Variants in EIF2AK4 observed in about 807,000 individuals in gnomAD.
EIF2AK4 encodes eukaryotic translation initiation factor 2 alpha kinase 4, also known as eIF-2-alpha kinase GCN2.
A neutral mutation model predicts 211.1 loss-of-function variants in EIF2AK4; 139 were observed. The ratio of observed to expected loss-of-function variants is 0.66; its 90% CI spans 0.57 to 0.76. The LOEUF is 0.76. EIF2AK4 is among the 30% of genes least tolerant of loss of function. The pLI is 0.00. For synonymous variants in EIF2AK4, 710 were observed against 751.3 expected (o/e 0.94, Z 0.90); for missense variants, 1,664 against 2,043.8 (o/e 0.81, Z 3.58).
chr15:40,019,306 A>G (rs138680634), intron 30 of EIF2AK4, 106 bp downstream of exon 30: 44 of 827,968 alleles, frequency 5.3e-5, no homozygotes, highest in Middle Eastern at 2.3e-4. Flanking sequence ...TGTGAAAGCT[A>G]TAGACGTAGG....
chr15:39,969,949 G>T (rs2034600979), intron 9 of EIF2AK4, among the ~76,000 whole-genome samples: 1 of 152,150 alleles, frequency 6.6e-6, no homozygotes, highest in African/African-American at 2.4e-5. Context: ...CTGGGTTCAG[G>T]TCTCACCTCT....
chr15:40,022,337 G>A, intron 31 of EIF2AK4, 182 bp from the exon 32 acceptor site: 1 of 554,154 alleles, frequency 1.8e-6, no homozygotes, highest in East Asian at 3.1e-5. Flanking sequence ...GGCAAGAGAG[G>A]CCTTGTTCCT....
At chr15:39,956,924 T>TA (rs1381684956) in intron 6 of EIF2AK4, among the ~76,000 whole-genome samples, 1 of 152,160 alleles carries the variant, frequency 6.6e-6, no homozygotes, top group African/African-American at 2.4e-5. Context: ...TATCTACTAC[T>TA]AAAAAAACAG....
chr15:40,022,214 GTATGT>G lies in EIF2AK4; in HGVS notation c.4303-303_4303-299del, dbSNP rs796324857. The G allele has an allele frequency of 3.6e-4, 84 of 232,650 alleles. 1 individual carries two copies. The highest frequency in any genetic ancestry group is 1.8e-3 in the African/African-American group (73 of 40,196). 14.4% of individuals were successfully genotyped at this position (232,650 alleles called of 1,614,324 possible). A position where few individuals can be genotyped will look rare whatever the true frequency, so the allele number is the denominator to read the frequency against. On this transcript the variant is annotated intron_variant, in intron 31 of 38. Coordinates refer to ENST00000263791, the MANE Select transcript of EIF2AK4 (RefSeq NM_001013703.4). ...TGTGTGTGTGTGTGTGTGTGTGTGTGTATGTTGTGTTGTATAATTTTGGGCATCTT... is the reference window on the plus strand; with the variant it reads ...TGTGTGTGTGTGTGTGTGTGTGTGTGTGTGTTGTATAATTTTGGGCATCTT...
intron 23 of EIF2AK4, among the ~76,000 whole-genome samples, chr15:40,005,085 A>G (rs2035142574): frequency 6.6e-6 from 1 of 152,232 alleles, no homozygotes; most frequent in African/African-American, 2.4e-5. Flanking sequence ...AGTAGTAGAT[A>G]TTATAAGTAA....
rs755836462 is a variant in EIF2AK4 at position 39,939,606 on chromosome 15, C to T, written c.246C>T (p.Thr82=). 3.1e-6 allele frequency: 5 copies of T among 1,609,742 alleles called. No homozygotes were observed. The highest frequency in any genetic ancestry group is 1.3e-5 in the African/African-American group (1 of 74,980). Residue 82 remains threonine (T), a synonymous_variant, in exon 2 of 39, where the codon ACC becomes ACT. Transcript: ENST00000263791. ...ATTTGAGGGTTAAATGCCCACCTAC[C>T]TATCCAGATGTGTGAGTACATTTAT... ...KVDLRVKCPP[T]YPDVVPEIEL...
chr15:39,998,597 T>G (rs2035053080), intron 19 of EIF2AK4, 134 bp from the exon 20 acceptor site: 1 of 644,170 alleles, frequency 1.6e-6, no homozygotes, highest in African/African-American at 1.9e-5. Context: ...AGCGTCAGGT[T>G]TCAAGAAGGT....
rs1041281613 is a variant in EIF2AK4, at chr15:39,962,970, A to G, written c.859+1071A>G. Among the ~76,000 whole-genome samples the G allele has an allele frequency of 2.1e-4, 32 of 152,218 alleles. 1 individual carries two copies. The highest frequency in any genetic ancestry group is 1.2e-4 in the Non-Finnish European group (8 of 68,036). On this transcript the variant is annotated intron_variant, in intron 7 of 38. Transcript: ENST00000263791. The stretch of plus-strand genomic sequence containing the variant: ...TTTTGCCAGAAGTAACAGGTAGCCA[A>G]ATTATGTGAAATGAGTTTGCTTTCT...
At chr15:39,961,718 A>G (rs964327789) in intron 6 of EIF2AK4, 66 bp from the exon 7 acceptor site, 48 of 1,268,070 alleles carry the variant, frequency 3.8e-5, no homozygotes, top group Admixed American at 1.3e-4. Context: ...TAACATTCCT[A>G]TGTTAATCTT....
In EIF2AK4 at chr15:40,026,067, G is replaced by A; in HGVS notation, c.4480G>A (p.Val1494Ile). Residue 1494 changes from valine (V) to isoleucine (I), a missense_variant, in exon 33 of 39, where the codon GTC (valine) becomes ATC (isoleucine). By Grantham distance (29) the Val-to-Ile change is conservative. Transcript: ENST00000263791. ...TGTACTGCAGAAACTGAGGACTAAA[G>A]TCACTGATGAAAGGAATGGCAGGTA... ...DHVLQKLRTKVTDERNGREAS... is the reference protein window; with the variant it reads ...DHVLQKLRTKITDERNGREAS... The A allele has an allele frequency of 1.2e-6, 2 of 1,614,070 alleles. No homozygotes were observed. Among genetic ancestry groups the A allele is most frequent in the Non-Finnish European group, 1.7e-6 (2 of 1,180,008 alleles).
chr15:40,006,959 G>C, intron 23 of EIF2AK4, 57 bp from the exon 24 acceptor site: 1 of 1,325,672 alleles, frequency 7.5e-7, no homozygotes. Flanking sequence ...CAATAAAGCC[G>C]CTATTAACAA....
chr15:39,939,631 T>C lies in EIF2AK4; in HGVS notation c.257+14T>C. ...CTATCCAGATGTGTGAGTACATTTA[T>C]AAATAGCTTTGACGTGGTTTCAGTT... On this transcript the variant is annotated intron_variant, in intron 2 of 38. Transcript: ENST00000263791. 6.3e-7 allele frequency: 1 copy of C among 1,582,862 alleles called. No homozygotes were observed. The highest frequency in any genetic ancestry group is 8.6e-7 in the Non-Finnish European group (1 of 1,160,822).
chr15:39,943,363 T>A lies in EIF2AK4; in HGVS notation c.258-20T>A. 1 of 1,411,426 alleles carries A rather than the reference T, an allele frequency of 7.1e-7. No homozygotes were observed. The highest frequency in any genetic ancestry group is 9.4e-7 in the Non-Finnish European group (1 of 1,058,728). The allele number at this position is 1,411,426 out of a possible 1,614,324, so 87.4% of individuals were successfully genotyped here. On this transcript the variant is annotated intron_variant, in intron 2 of 38. Transcript: ENST00000263791. Reference sequence around the variant, plus strand: ...TTCTGGAGTAACTCTTTTTTTTTTTTTTTTTTTTGCCTTTTCCAGAGTTCC... The same window carrying A: ...TTCTGGAGTAACTCTTTTTTTTTTTATTTTTTTTGCCTTTTCCAGAGTTCC...
At chr15:39,988,391 A>G (rs903361719) in intron 15 of EIF2AK4, among the ~76,000 whole-genome samples, 7 of 152,238 alleles carry the variant, frequency 4.6e-5, no homozygotes, top group Non-Finnish European at 7.3e-5. Context: ...CTGTTCTTGT[A>G]TGGCCTGTGA....
At chr15:39,989,582 C>G (rs540258281) in intron 15 of EIF2AK4, among the ~76,000 whole-genome samples, 5 of 152,282 alleles carry the variant, frequency 3.3e-5, no homozygotes, top group African/African-American at 4.8e-5. Flanking sequence ...CTGTGCCATA[C>G]CTGGAAATAC....
intron 27 of EIF2AK4, among the ~76,000 whole-genome samples, chr15:40,014,116 C>T (rs62004088): frequency 3.3e-5 from 5 of 152,232 alleles, no homozygotes; most frequent in Non-Finnish European, 5.9e-5. Flanking sequence ...AAAATGATCT[C>T]CTTTGACTCC....
chr15:40,009,494 T>A (rs2035208272), intron 25 of EIF2AK4, 120 bp from the exon 26 acceptor site: 1 of 623,512 alleles, frequency 1.6e-6, no homozygotes, highest in African/African-American at 1.9e-5. Context: ...TAGGAAGCCA[T>A]ATGCTAAATT....
chr15:39,978,549 A>G (rs545759970), intron 13 of EIF2AK4, among the ~76,000 whole-genome samples: 50 of 152,248 alleles, frequency 3.3e-4, no homozygotes, highest in Admixed American at 3.0e-3. Flanking sequence ...TTGATTCCTT[A>G]TTTTCATAGA....
intron 16 of EIF2AK4, chr15:39,991,120 A>G (rs1360656047): frequency 6.6e-6 from 1 of 152,354 alleles, no homozygotes; most frequent in East Asian, 1.9e-4. Context: ...TCTGTGGGAA[A>G]TGCAGTTAAT....
Sources: allele counts gnomAD v4.1 joint callset (sites outside exome capture counted in the v4.1 genomes callset), GRCh38; gene constraint gnomAD v4.1.1; transcripts MANE v1.5; gene names NCBI Gene and HGNC (gene_info 2026-07-23, HGNC 2026-07-21).